MYOF: variants seen among roughly 807,000 people sequenced by gnomAD.
MYOF encodes myoferlin, also known as fer-1-like 3, myoferlin.
A neutral mutation model predicts 284.2 loss-of-function variants in MYOF; 244 were observed. The observed-to-expected ratio is 0.86, with a 90% CI of 0.77 to 0.95. The LOEUF (loss-of-function observed/expected upper bound fraction) is 0.95. MYOF is among the 40% of genes least tolerant of loss of function. The probability of loss-of-function intolerance (pLI) is 0.00; values close to 1 mark genes in which losing one functional copy is unlikely to be tolerated. For missense variants in MYOF, 2,496 were observed against 2,560.6 expected (o/e 0.97, Z 0.54); for synonymous variants, 904 against 919.7 (o/e 0.98, Z 0.31).
chr10:93,410,978 G>T (rs1433807138), intron 5 of MYOF, among the ~76,000 whole-genome samples: 1 of 152,192 alleles, frequency 6.6e-6, no homozygotes, highest in Non-Finnish European at 1.5e-5. Flanking sequence ...GTCTGAGTAA[G>T]TTTCTTAATT....
At chr10:93,313,880 A>G (rs575239319) in intron 50 of MYOF, among the ~76,000 whole-genome samples, 1 of 152,180 alleles carries the variant, frequency 6.6e-6, no homozygotes, top group Admixed American at 6.5e-5. Context: ...CAGCCTGGGC[A>G]GCAGAGCGAG....
intron 7 of MYOF, 141 bp downstream of exon 7, chr10:93,408,646 A>G (rs1293414787): frequency 5.4e-6 from 6 of 1,111,604 alleles, no homozygotes; most frequent in East Asian, 4.9e-5. Flanking sequence ...AGACCCTGCC[A>G]TGCGTTCACA....
chr10:93,466,148 G>A (rs1435061027), intron 1 of MYOF, among the ~76,000 whole-genome samples: 2 of 152,138 alleles, frequency 1.3e-5, no homozygotes, highest in African/African-American at 2.4e-5. Flanking sequence ...GAGACACCTG[G>A]GGGAGCACAG....
chr10:93,465,583 C>T (rs1381598800), intron 1 of MYOF, among the ~76,000 whole-genome samples: 3 of 132,604 alleles, frequency 2.3e-5, no homozygotes, highest in Non-Finnish European at 3.1e-5. Context: ...GGCACAATCT[C>T]GGCTCACTGC....
At chr10:93,399,603 G>T in intron 12 of MYOF, 108 bp from the exon 13 acceptor site, 1 of 709,920 alleles carries the variant, frequency 1.4e-6, no homozygotes, top group Non-Finnish European at 2.3e-6. Flanking sequence ...GCTAGGCGCA[G>T]TGGCTCATGC....
intron 40 of MYOF, chr10:93,337,608 A>G (rs1843675059): frequency 2.0e-6 from 1 of 507,034 alleles, no homozygotes; most frequent in Non-Finnish European, 3.5e-6. Context: ...CAGTCACGTA[A>G]CCATAACTCA....
chr10:93,377,313 A>G lies in MYOF; in HGVS notation c.2108+10T>C. Reference sequence around the variant, plus strand: ...ATGAAAATTCTGAGATAGGCGTAAGATCACTGTACCTCGTGTCTTCTATAA... The same window carrying G: ...ATGAAAATTCTGAGATAGGCGTAAGGTCACTGTACCTCGTGTCTTCTATAA... On this transcript the variant is annotated intron_variant, in intron 22 of 53. Coordinates refer to ENST00000359263, the MANE Select transcript of MYOF (RefSeq NM_013451.4). The G allele has an allele frequency of 6.2e-7, 1 of 1,602,434 alleles. No individual in the cohort carries two copies. The highest frequency in any genetic ancestry group is 8.6e-7 in the Non-Finnish European group (1 of 1,169,450).
intron 30 of MYOF, among the ~76,000 whole-genome samples, 154 bp downstream of exon 30, chr10:93,356,521 C>A (rs1232666004): frequency 6.6e-6 from 1 of 152,190 alleles, no homozygotes; most frequent in Non-Finnish European, 1.5e-5. Context: ...GTATTGAGCA[C>A]CCAGGATGTG....
rs141910418 is a variant in MYOF at position 93,397,301 on chromosome 10, G to T, written c.1291-11C>A. On this transcript the variant is annotated splice_polypyrimidine_tract_variant and intron_variant, in intron 14 of 53. Transcript: ENST00000359263. ...ACACACTGAAGGAAACTAAAAAAATGAGACAGAAAAAAGTAGTTATTTCTC... is the reference window on the plus strand; with the variant it reads ...ACACACTGAAGGAAACTAAAAAAATTAGACAGAAAAAAGTAGTTATTTCTC... 3 of 1,600,286 alleles carry T rather than the reference G, an allele frequency of 1.9e-6. No homozygotes were observed. In the African/African-American group the frequency reaches 4.0e-5, roughly 22 times the overall value.
At position 93,447,016 on chromosome 10, in the gene MYOF, C is replaced by T. The variant is rs545805330; in HGVS notation, c.236+5034G>A. ...ACAGGCATGAGCCACCACACCCAGCCTCGTTTGGTCTTTATACTCAATAGG... is the reference window on the plus strand; with the variant it reads ...ACAGGCATGAGCCACCACACCCAGCTTCGTTTGGTCTTTATACTCAATAGG... On this transcript the variant is annotated intron_variant, in intron 3 of 53. Coordinates refer to ENST00000359263, the MANE Select transcript of MYOF (RefSeq NM_013451.4). Among the ~76,000 whole-genome samples the T allele has an allele frequency of 4.6e-5, 7 of 152,258 alleles. No homozygotes were observed. In the South Asian group the frequency reaches 1.5e-3, roughly 32 times the overall value.
chr10:93,465,589 A>G (rs1454434392), intron 1 of MYOF, among the ~76,000 whole-genome samples: 2 of 123,046 alleles, frequency 1.6e-5, no homozygotes, highest in African/African-American at 3.1e-5. Context: ...ATCTCGGCTC[A>G]CTGCAACCTC....
At position 93,456,882 on chromosome 10, in the gene MYOF, C is replaced by G; in HGVS notation, c.144G>C (p.Glu48Asp). 1 of 1,602,910 alleles carries G rather than the reference C, an allele frequency of 6.2e-7. No individual in the cohort carries two copies. Among genetic ancestry groups the G allele is most frequent in the Non-Finnish European group, 8.5e-7 (1 of 1,173,784 alleles). Residue 48 changes from glutamate to aspartate, a missense_variant and splice_region_variant, in exon 2 of 54, where the codon GAG becomes GAC. Physicochemically the swap from Glu to Asp is conservative, Grantham distance 45. Coordinates refer to ENST00000359263, the MANE Select transcript of MYOF (RefSeq NM_013451.4). ...AAAGTTGAAAAAACAATGAAGTCAC[C>G]TCATTCCAGACAGGGTTCAATTCAT... is the stretch of plus-strand genomic sequence containing the variant. ...VDNELNPVWN[E>D]ILEFDLRGIP...
intron 3 of MYOF, among the ~76,000 whole-genome samples, chr10:93,437,155 A>G (rs983722935): frequency 3.9e-5 from 6 of 152,178 alleles, no homozygotes; most frequent in African/African-American, 1.4e-4. Flanking sequence ...ACACAATGGG[A>G]GCAACTACTT....
chr10:93,338,239 AC>A, intron 39 of MYOF: 1 of 458,850 alleles, frequency 2.2e-6, no homozygotes, highest in Non-Finnish European at 4.2e-6. Context: ...CTTCATATTT[AC>A]ATATACATAT....
At chr10:93,480,468 T>G (rs1208810165) in intron 1 of MYOF, among the ~76,000 whole-genome samples, 1 of 2,888 alleles carries the variant, frequency 3.5e-4, no homozygotes, top group Non-Finnish European at 1.6e-3. Context: ...ATTTGCCAGC[T>G]TTTTTTTTTT....
intron 24 of MYOF, 24 bp from the exon 25 acceptor site, chr10:93,369,800 G>T (rs767198227): frequency 6.1e-5 from 99 of 1,613,688 alleles, no homozygotes; most frequent in Middle Eastern, 1.6e-4. Context: ...AATAGCATGT[G>T]ATGTTACATT....
intron 5 of MYOF, among the ~76,000 whole-genome samples, chr10:93,414,408 G>T (rs940438493): frequency 6.6e-6 from 1 of 152,024 alleles, no homozygotes; most frequent in Non-Finnish European, 1.5e-5. Flanking sequence ...GTGTGGTGGC[G>T]TGCACCTGTG....
intron 36 of MYOF, among the ~76,000 whole-genome samples, chr10:93,348,904 A>G (rs748322566): frequency 1.3e-5 from 2 of 152,174 alleles, no homozygotes; most frequent in Non-Finnish European, 2.9e-5. Context: ...TCACTGTGGT[A>G]TAGAAGGTGT....
In MYOF at chr10:93,409,705, C is replaced by A; in HGVS notation, c.468G>T (p.Arg156Ser). 2 of 1,614,202 alleles carry A rather than the reference C, an allele frequency of 1.2e-6. No individual in the cohort carries two copies. Among genetic ancestry groups the A allele is most frequent in the Non-Finnish European group, 1.7e-6 (2 of 1,180,038 alleles). Residue 156 changes from arginine (R) to serine (S), a missense_variant, in exon 6 of 54, where the codon AGG becomes AGT. This residue lies in a region of MYOF where 2,436 missense variants were observed against 2,480.7 expected (regional missense o/e 0.98). Coordinates refer to ENST00000359263, the MANE Select transcript of MYOF (RefSeq NM_013451.4). ...CAGGGCCCCTGACTGCATTGTCCAACCTGTCTTCATCACCTTCATCTTCTT... is the reference window on the plus strand; with the variant it reads ...CAGGGCCCCTGACTGCATTGTCCAAACTGTCTTCATCACCTTCATCTTCTT... ...DGEEDEGDED[R>S]LDNAVRGPGP...
Sources: allele counts gnomAD v4.1 joint callset (sites outside exome capture counted in the v4.1 genomes callset), GRCh38; gene constraint gnomAD v4.1.1; regional missense constraint gnomAD v4.1.1; transcripts MANE v1.5; gene names NCBI Gene and HGNC (gene_info 2026-07-23, HGNC 2026-07-21).